Variants in IMMP2L observed in about 807,000 individuals in gnomAD.
The protein encoded by IMMP2L is mitochondrial inner membrane protease subunit 2.
In IMMP2L, 18 loss-of-function variants were observed where a neutral mutation model predicts 19.3. The ratio of observed to expected loss-of-function variants is 0.93; its 90% confidence interval spans 0.64 to 1.38. The LOEUF (loss-of-function observed/expected upper bound fraction) is 1.38. IMMP2L is among the 40% of genes most tolerant of loss of function. IMMP2L has a pLI of 0.00. For synonymous variants in IMMP2L, 76 were observed against 73.0 expected (o/e 1.04, Z -0.21); for missense variants, 233 against 218.2 (o/e 1.07, Z -0.43).
chr7:111,371,641 G>C (rs760222630), intron 3 of IMMP2L, among the ~76,000 whole-genome samples: 3 of 152,022 alleles, frequency 2.0e-5, no homozygotes, highest in Non-Finnish European at 4.4e-5. Flanking sequence ...TGTATGTACA[G>C]AGACTGAACT....
At chr7:111,337,905 T>G (rs1249890000) in intron 3 of IMMP2L, among the ~76,000 whole-genome samples, 1 of 152,140 alleles carries the variant, frequency 6.6e-6, no homozygotes, top group Non-Finnish European at 1.5e-5. Flanking sequence ...AAATCTGTCA[T>G]GTGAAGGCCT....
At chr7:110,735,207 G>C (rs1393543544) in intron 5 of IMMP2L, among the ~76,000 whole-genome samples, 1 of 152,118 alleles carries the variant, frequency 6.6e-6, no homozygotes, top group Non-Finnish European at 1.5e-5. Context: ...ATGTGCACTA[G>C]GAATATGCGG....
At chr7:111,137,714 A>G (rs1215943997) in intron 3 of IMMP2L, among the ~76,000 whole-genome samples, 1 of 152,220 alleles carries the variant, frequency 6.6e-6, no homozygotes, top group Non-Finnish European at 1.5e-5. Context: ...AACAAAGGAG[A>G]ACAGAAACTA....
At chr7:111,287,828 C>T (rs922916661) in intron 3 of IMMP2L, among the ~76,000 whole-genome samples, 1 of 152,112 alleles carries the variant, frequency 6.6e-6, no homozygotes, top group South Asian at 2.1e-4. Context: ...GGAGAACTTC[C>T]ACGGACTCCC....
chr7:111,027,553 TA>T (rs1287335980), intron 3 of IMMP2L, among the ~76,000 whole-genome samples: 3 of 151,820 alleles, frequency 2.0e-5, no homozygotes, highest in Non-Finnish European at 4.4e-5. Context: ...CTGGGACGGC[TA>T]AAGTCATTTA....
chr7:111,289,515 G>A (rs962376947), intron 3 of IMMP2L, among the ~76,000 whole-genome samples: 2 of 151,574 alleles, frequency 1.3e-5, no homozygotes, highest in African/African-American at 2.4e-5. Context: ...TAAGGTAATC[G>A]TTATCATGAT....
chr7:110,877,548 G>T lies in IMMP2L; in HGVS notation c.408+9045C>A, dbSNP rs556161048. On this transcript the variant is annotated intron_variant, in intron 5 of 5. Coordinates refer to ENST00000405709, the MANE Select transcript of IMMP2L (RefSeq NM_032549.4). This position sits in a 1 kb window ranked among gnomAD's most constrained non-coding sequence, Gnocchi z 4.0. Reference sequence around the variant, plus strand: ...AAACCAAATGGTGAATTTATGGAATGATCAAGGCATAGGCAGGTAAGACGG... The same window carrying T: ...AAACCAAATGGTGAATTTATGGAATTATCAAGGCATAGGCAGGTAAGACGG... 6.6e-6 allele frequency among the ~76,000 whole-genome samples: 1 copy of T among 152,282 alleles called. No homozygotes were observed. Among genetic ancestry groups the T allele is most frequent in the South Asian group, 2.1e-4 (1 of 4,818 alleles).
In IMMP2L at chr7:110,848,538, A is replaced by G. The variant is rs577952052; in HGVS notation, c.408+38055T>C. Among the ~76,000 whole-genome samples, 3 of 152,266 alleles carry G rather than the reference A, an allele frequency of 2.0e-5. No individual in the cohort carries two copies. In the East Asian group the frequency reaches 5.8e-4, roughly 29 times the overall value. On this transcript the variant is annotated intron_variant, in intron 5 of 5. Transcript: ENST00000405709. ...TAAACATACTCTTAACATAGGATCT[A>G]GCAGTCACACTTCTTGATATCTTCC...
chr7:110,952,499 G>A (rs752733303), intron 4 of IMMP2L, among the ~76,000 whole-genome samples: 1 of 152,116 alleles, frequency 6.6e-6, no homozygotes, highest in Non-Finnish European at 1.5e-5. Flanking sequence ...CTCCAAAGGA[G>A]AACTTCATAA....
intron 5 of IMMP2L, among the ~76,000 whole-genome samples, chr7:110,718,319 G>C (rs979525652): frequency 1.8e-4 from 27 of 152,256 alleles, no homozygotes; most frequent in African/African-American, 6.3e-4. Flanking sequence ...AAGTGAAGTA[G>C]GAATTCTGAA....
At chr7:111,054,473 T>G (rs1793309502) in intron 3 of IMMP2L, among the ~76,000 whole-genome samples, 1 of 152,228 alleles carries the variant, frequency 6.6e-6, no homozygotes, top group African/African-American at 2.4e-5. Flanking sequence ...ACCCAAGAAA[T>G]GTCAAATGGT....
intron 5 of IMMP2L, among the ~76,000 whole-genome samples, chr7:110,871,133 C>T (rs1189882221): frequency 6.6e-6 from 1 of 152,036 alleles, no homozygotes; most frequent in Non-Finnish European, 1.5e-5. Context: ...TCTTGAGTAA[C>T]TGGGTGGATA....
At position 110,886,615 on chromosome 7, in the gene IMMP2L, A is replaced by C. The variant is rs529317833; in HGVS notation, c.386T>G (p.Phe129Cys). The C allele has an allele frequency of 6.2e-7, 1 of 1,603,494 alleles. No homozygotes were observed. The highest frequency in any genetic ancestry group is 1.1e-5 in the South Asian group (1 of 90,834). The change falls in exon 5 of 6, where the codon TTT becomes TGT. Residue 129 changes from phenylalanine to cysteine, a missense_variant. Phe to Cys is a radical substitution (Grantham distance 205, BLOSUM62 -2). Coordinates refer to ENST00000405709, the MANE Select transcript of IMMP2L (RefSeq NM_032549.4). ...TACCGGCCCAAAAGAATTACTGTCAAAACTGTGTCCATGATGATCACCTTC... is the reference window on the plus strand; with the variant it reads ...TACCGGCCCAAAAGAATTACTGTCACAACTGTGTCCATGATGATCACCTTC... ...WVEGDHHGHS[F>C]DSNSFGPVSL... is the part of the protein sequence containing the mutation.
Position 111,377,348 on chromosome 7 carries a change from G to A in IMMP2L, c.239+109890C>T, listed in dbSNP as rs533765737. Among the ~76,000 whole-genome samples, 43 of 151,846 alleles carry A rather than the reference G, an allele frequency of 2.8e-4. 1 individual carries two copies. Among genetic ancestry groups the A allele is most frequent in the Admixed American group, 2.8e-3 (43 of 15,188 alleles). ...CTCTATAGTATAGTATCCTTCTATA[G>A]TACAGCTCTATAGTATAGTATCCCT... is the stretch of plus-strand genomic sequence containing the variant. On this transcript the variant is annotated intron_variant, in intron 3 of 5. Coordinates refer to ENST00000405709, the MANE Select transcript of IMMP2L (RefSeq NM_032549.4).
chr7:111,500,973 G>C (rs1585380023), intron 2 of IMMP2L, among the ~76,000 whole-genome samples: 1 of 152,330 alleles, frequency 6.6e-6, no homozygotes, highest in South Asian at 2.1e-4. Flanking sequence ...GCTGGACGGA[G>C]AATGACTTTG....
chr7:110,927,299 A>G (rs975515416), intron 4 of IMMP2L, among the ~76,000 whole-genome samples: 3 of 152,128 alleles, frequency 2.0e-5, no homozygotes, highest in Admixed American at 1.3e-4. Context: ...TGCTCTAGGA[A>G]TATCAGATTA....
intron 3 of IMMP2L, among the ~76,000 whole-genome samples, chr7:111,116,505 A>G (rs1381096444): frequency 6.6e-6 from 1 of 152,154 alleles, no homozygotes; most frequent in East Asian, 1.9e-4. Context: ...CAATAACAAA[A>G]ATAATTTTTC....
intron 3 of IMMP2L, among the ~76,000 whole-genome samples, chr7:111,087,212 G>A (rs1796418161): frequency 6.6e-6 from 1 of 152,142 alleles, no homozygotes; most frequent in African/African-American, 2.4e-5. Flanking sequence ...CACTTTGGGA[G>A]GCTGTGGCGG....
intron 3 of IMMP2L, among the ~76,000 whole-genome samples, chr7:111,011,490 C>T (rs774478550): frequency 2.0e-4 from 31 of 152,168 alleles, no homozygotes; most frequent in Middle Eastern, 3.4e-3. Flanking sequence ...AGAAAAGAGT[C>T]CCCTTACTAT....
Sources: gnomAD v4.1 joint callset for allele counts (sites outside exome capture counted in the v4.1 genomes callset) on GRCh38, gnomAD v4.1.1 for gene constraint, Gnocchi (gnomAD v3.1) non-coding constraint, MANE v1.5 for transcripts, NCBI Gene and HGNC (gene_info 2026-07-23, HGNC 2026-07-21) for gene names.